Variants in NHSL1 observed in about 807,000 individuals in gnomAD.
The protein encoded by NHSL1 is NHS like 1.
Under a neutral mutation model 95.0 loss-of-function variants are expected in NHSL1, and 48 were observed. The ratio of observed to expected loss-of-function variants is 0.51; its 90% CI spans 0.40 to 0.64. NHSL1 has a LOEUF of 0.64. NHSL1 is among the 30% of genes least tolerant of loss of function. The pLI is 0.00. For synonymous variants in NHSL1, 783 were observed against 833.9 expected, an observed-to-expected ratio of 0.94 and a Z score of 1.05; for missense variants, 1,971 against 2,077.7, an observed-to-expected ratio of 0.95 and a Z score of 1.00.
intron 1 of NHSL1, among the ~76,000 whole-genome samples, chr6:138,508,027 T>A (rs1179321505): frequency 1.3e-5 from 2 of 152,240 alleles, no homozygotes; most frequent in African/African-American, 4.8e-5. Flanking sequence ...TAGATCCTAG[T>A]TAATAATTTA....
In NHSL1 at chr6:138,430,652, C is replaced by T. The variant is rs555446816; in HGVS notation, c.3693G>A (p.Thr1231=). Reference sequence around the variant, plus strand: ...TGTGCACAGAGCCCTCCTCTCCCGTCGTGGGGCTGGGCACAGCTCGGAGGG... The same window carrying T: ...TGTGCACAGAGCCCTCCTCTCCCGTTGTGGGGCTGGGCACAGCTCGGAGGG... ...SEALRAVPSP[T]TGEEGSVHSR... Residue 1231 remains threonine, a synonymous_variant, in exon 6 of 8, where the codon ACG becomes ACA. Coordinates refer to ENST00000343505, the MANE Select transcript of NHSL1 (RefSeq NM_001144060.2). The surrounding 1 kb of genome is among the most constrained non-coding windows in gnomAD (Gnocchi z 4.7). The T allele has an allele frequency of 3.8e-5, 59 of 1,551,434 alleles. No homozygotes were observed. Among genetic ancestry groups the T allele is most frequent in the Middle Eastern group, 1.7e-4 (1 of 5,860 alleles).
intron 1 of NHSL1, among the ~76,000 whole-genome samples, chr6:138,676,098 C>T (rs1192233805): frequency 1.3e-5 from 2 of 152,020 alleles, no homozygotes; most frequent in Admixed American, 1.3e-4. Flanking sequence ...TACTGGATCT[C>T]GATTTGAAAA....
intron 1 of NHSL1, chr6:138,545,596 A>C (rs1214483283): frequency 3.1e-6 from 4 of 1,280,994 alleles, no homozygotes; most frequent in Non-Finnish European, 4.1e-6. Flanking sequence ...GAACTTTGCC[A>C]CCCAAATGGA....
At chr6:138,471,212 T>C (rs1198737394) in intron 3 of NHSL1, among the ~76,000 whole-genome samples, 2 of 152,146 alleles carry the variant, frequency 1.3e-5, no homozygotes, top group Non-Finnish European at 2.9e-5. Context: ...AATTTAGAAA[T>C]TATTTTTCCA....
At chr6:138,478,974 T>C (rs903376276) in intron 2 of NHSL1, among the ~76,000 whole-genome samples, 3 of 152,226 alleles carry the variant, frequency 2.0e-5, no homozygotes, top group Non-Finnish European at 4.4e-5. Context: ...CTCACATGAA[T>C]TTATTACTGC....
intron 1 of NHSL1, among the ~76,000 whole-genome samples, chr6:138,630,809 A>C (rs1000501681): frequency 6.6e-6 from 1 of 152,220 alleles, no homozygotes; most frequent in African/African-American, 2.4e-5. Flanking sequence ...GGAAGGGGGC[A>C]AGGCAAGATG....
chr6:138,623,529 T>C (rs1784694337), intron 1 of NHSL1, among the ~76,000 whole-genome samples: 1 of 151,790 alleles, frequency 6.6e-6, no homozygotes, highest in South Asian at 2.1e-4. Context: ...GTGGTGAGAA[T>C]ATTTAAAGGT....
At chr6:138,692,693 C>T (rs1439989616), upstream of NHSL1, 1 of 151,896 alleles carries the variant, frequency 6.6e-6, no homozygotes, top group Non-Finnish European at 1.5e-5. This position sits in a 1 kb window ranked among gnomAD's most constrained non-coding sequence, Gnocchi z 4.0. Flanking sequence ...GTGGCGCGCC[C>T]GCAGCCCCGG....
chr6:138,622,755 T>C (rs944145271), intron 1 of NHSL1, among the ~76,000 whole-genome samples: 1 of 152,176 alleles, frequency 6.6e-6, no homozygotes, highest in Non-Finnish European at 1.5e-5. Flanking sequence ...CAAACATCTA[T>C]TGATTACTCA....
intron 1 of NHSL1, among the ~76,000 whole-genome samples, chr6:138,538,587 T>C (rs1317068552): frequency 1.3e-5 from 2 of 152,116 alleles, no homozygotes; most frequent in African/African-American, 4.8e-5. Context: ...GTTCGCGCCC[T>C]CGAGAGAGCA....
intron 1 of NHSL1, among the ~76,000 whole-genome samples, chr6:138,639,902 A>G (rs1339056017): frequency 1.2e-5 from 1 of 86,748 alleles, no homozygotes; most frequent in Non-Finnish European, 2.4e-5. Flanking sequence ...TTTTTTTTTT[A>G]CAAAATGCAG....
intron 1 of NHSL1, among the ~76,000 whole-genome samples, chr6:138,596,771 G>T (rs73774845): frequency 2.6e-5 from 4 of 151,910 alleles, no homozygotes; most frequent in Admixed American, 1.3e-4. Context: ...TGGCGGGGGT[G>T]GGGGGGAAGT....
chr6:138,630,305 T>G (rs995172765), intron 1 of NHSL1, among the ~76,000 whole-genome samples: 8 of 152,210 alleles, frequency 5.3e-5, no homozygotes, highest in African/African-American at 1.9e-4. Flanking sequence ...ATGAAATAAT[T>G]TACCCTTGGA....
intron 1 of NHSL1, among the ~76,000 whole-genome samples, chr6:138,665,862 G>C (rs1785287371): frequency 6.6e-6 from 1 of 152,048 alleles, no homozygotes. Flanking sequence ...TTACTCCCGA[G>C]TGATTAAGTT....
At chr6:138,489,553 G>T (rs2128276907) in intron 2 of NHSL1, among the ~76,000 whole-genome samples, 1 of 151,934 alleles carries the variant, frequency 6.6e-6, no homozygotes, top group South Asian at 2.1e-4. Context: ...GACAACTTGA[G>T]CCCAGGAGTA....
At chr6:138,462,317 T>C (rs993560174) in intron 3 of NHSL1, among the ~76,000 whole-genome samples, 1 of 152,030 alleles carries the variant, frequency 6.6e-6, no homozygotes, top group Non-Finnish European at 1.5e-5. Flanking sequence ...GCATATGCAA[T>C]GAGGGGAGGA....
upstream of NHSL1, among the ~76,000 whole-genome samples, chr6:138,547,718 T>A (rs574721082): frequency 1.3e-5 from 2 of 152,100 alleles, no homozygotes; most frequent in Non-Finnish European, 2.9e-5. Context: ...GGAGGGAACC[T>A]CATAGCTCAT....
intron 1 of NHSL1, among the ~76,000 whole-genome samples, chr6:138,509,595 C>T (rs538604090): frequency 1.3e-5 from 2 of 152,262 alleles, no homozygotes; most frequent in South Asian, 2.1e-4. Context: ...TGACACTCAA[C>T]GACACACTGG....
chr6:138,499,348 T>C lies in NHSL1; in HGVS notation c.-58A>G, dbSNP rs761915387. The C allele has an allele frequency of 6.5e-7, 1 of 1,542,162 alleles. No individual in the cohort carries two copies. The highest frequency in any genetic ancestry group is 8.8e-7 in the Non-Finnish European group (1 of 1,142,546). Reference sequence around the variant, plus strand: ...AAATCACATTAAAAGCTCAGCCCAGTAGGCAGGTGGCAAGCTTCGTCCTTC... The same window carrying C: ...AAATCACATTAAAAGCTCAGCCCAGCAGGCAGGTGGCAAGCTTCGTCCTTC... On this transcript the variant is annotated 5_prime_UTR_variant, in exon 1 of 8. Coordinates refer to ENST00000343505, the MANE Select transcript of NHSL1 (RefSeq NM_001144060.2).
Sources: gnomAD v4.1 joint callset for allele counts (sites outside exome capture counted in the v4.1 genomes callset) on GRCh38, gnomAD v4.1.1 for gene constraint, Gnocchi (gnomAD v3.1) non-coding constraint, MANE v1.5 for transcripts, NCBI Gene and HGNC (gene_info 2026-07-23, HGNC 2026-07-21) for gene names.